Variants in TMEM209 observed in about 807,000 individuals in gnomAD.
TMEM209 encodes the protein transmembrane protein 209.
A neutral mutation model predicts 76.2 loss-of-function variants in TMEM209; 65 were observed. That is an observed-to-expected ratio of 0.85 (90% CI 0.70 to 1.05). TMEM209 has a LOEUF of 1.05. Among genes scored for constraint, TMEM209 ranks in the 50% least tolerant of loss-of-function variants. The pLI is 0.00. For synonymous variants in TMEM209, 239 were observed against 237.6 expected (o/e 1.01, Z -0.06); for missense variants, 623 against 685.5 (o/e 0.91, Z 1.02).
chr7:130,181,613 T>G lies in TMEM209; in HGVS notation c.1120+10A>C, dbSNP rs1484515242. On this transcript the variant is annotated intron_variant, in intron 9 of 14. Coordinates refer to ENST00000397622, the MANE Select transcript of TMEM209 (RefSeq NM_032842.4). ...ATAGAAATCCAACACTGGGCTCTGT[T>G]TTCACATACCTCCTATCTGTAGCTC... 1 of 1,607,684 alleles carries G rather than the reference T, an allele frequency of 6.2e-7. No homozygotes were observed. The highest frequency in any genetic ancestry group is 1.1e-5 in the South Asian group (1 of 89,540).
chr7:130,203,915 C>A, intron 2 of TMEM209, 59 bp downstream of exon 2: 8 of 1,601,084 alleles, frequency 5.0e-6, no homozygotes, highest in South Asian at 1.1e-5. Flanking sequence ...AACACAAAAA[C>A]CTGTGGAACC....
In TMEM209 at chr7:130,194,952, C is replaced by T. The variant is rs552288463; in HGVS notation, c.574-2129G>A. On this transcript the variant is annotated intron_variant, in intron 5 of 14. Coordinates refer to ENST00000397622, the MANE Select transcript of TMEM209 (RefSeq NM_032842.4). ...GGTTAATCCTCTTCCACACAGATTTCTCTTTTATTTTTAAAATTAACATAT... is the reference window on the plus strand; with the variant it reads ...GGTTAATCCTCTTCCACACAGATTTTTCTTTTATTTTTAAAATTAACATAT... Among the ~76,000 whole-genome samples the T allele has an allele frequency of 3.9e-5, 6 of 152,126 alleles. No homozygotes were observed. The South Asian group carries it at 1.2e-3, about 32-fold the overall frequency.
rs899214494 is a variant in TMEM209 at position 130,164,733 on chromosome 7, C to T, written c.*1718G>A. The stretch of plus-strand genomic sequence containing the variant: ...TCTTATGCATTGTTAAAATGTTTCT[C>T]CATGGTGCTTTTAATGAAGTATATG... On this transcript the variant is annotated 3_prime_UTR_variant, in exon 15 of 15. Transcript: ENST00000397622. The T allele has an allele frequency of 7.9e-5, 12 of 152,078 alleles. No individual in the cohort carries two copies. Among genetic ancestry groups the T allele is most frequent in the Admixed American group, 6.5e-4 (10 of 15,272 alleles). The allele number at this position is 152,078 out of a possible 1,614,324, so 9.4% of individuals were successfully genotyped here. A position where few individuals can be genotyped will look rare whatever the true frequency, so the allele number is the denominator to read the frequency against.
At chr7:130,183,863 C>T (rs1392957254) in intron 8 of TMEM209, among the ~76,000 whole-genome samples, 1 of 152,094 alleles carries the variant, frequency 6.6e-6, no homozygotes, top group African/African-American at 2.4e-5. Flanking sequence ...CCTCACAATT[C>T]TAGGTAAATA....
At chr7:130,190,950 T>C (rs1044986936) in intron 6 of TMEM209, among the ~76,000 whole-genome samples, 1 of 149,962 alleles carries the variant, frequency 6.7e-6, no homozygotes, top group Non-Finnish European at 1.5e-5. Flanking sequence ...GAGCCAAGAC[T>C]GCACCACTGC....
At chr7:130,184,573 A>T (rs1220523798) in intron 7 of TMEM209, among the ~76,000 whole-genome samples, 3 of 150,656 alleles carry the variant, frequency 2.0e-5, no homozygotes, top group Non-Finnish European at 2.9e-5. Context: ...GCTCACTGCA[A>T]CCTCTGCCTC....
At chr7:130,177,706 G>A (rs1797284362) in intron 10 of TMEM209, among the ~76,000 whole-genome samples, 1 of 152,110 alleles carries the variant, frequency 6.6e-6, no homozygotes, top group Non-Finnish European at 1.5e-5. Flanking sequence ...TGGGTGATGT[G>A]TACAAGAGGA....
intron 6 of TMEM209, among the ~76,000 whole-genome samples, chr7:130,189,824 C>T (rs991116611): frequency 1.3e-5 from 2 of 152,098 alleles, no homozygotes; most frequent in African/African-American, 4.8e-5. Flanking sequence ...TCCTAGAGGA[C>T]CTGGAGTAAT....
rs139639811 is a variant in TMEM209, at chr7:130,195,950, T to C, written c.574-3127A>G. Among the ~76,000 whole-genome samples the C allele has an allele frequency of 2.0e-5, 3 of 152,268 alleles. No individual in the cohort carries two copies. The East Asian group carries it at 5.8e-4, about 29-fold the overall frequency. ...TTCAATAACAGGTACATATGATTAC[T>C]ATATTCGCCTTATGAGTTTAGGTAA... On this transcript the variant is annotated intron_variant, in intron 5 of 14. Transcript: ENST00000397622.
intron 13 of TMEM209, among the ~76,000 whole-genome samples, chr7:130,172,856 G>A (rs1045102401): frequency 4.0e-5 from 6 of 151,762 alleles, no homozygotes; most frequent in African/African-American, 7.2e-5. Flanking sequence ...AAAAATAGCC[G>A]GGTGTGGTGG....
chr7:130,167,926 T>C (rs1796932040), intron 14 of TMEM209, among the ~76,000 whole-genome samples: 2 of 152,190 alleles, frequency 1.3e-5, no homozygotes, highest in Admixed American at 6.5e-5. Context: ...TTTCCAAGCT[T>C]TTCCCCGAGT....
intron 10 of TMEM209, 139 bp from the exon 11 acceptor site, chr7:130,175,748 T>C (rs981003568): frequency 6.1e-6 from 4 of 654,920 alleles, no homozygotes; most frequent in African/African-American, 1.8e-5. Flanking sequence ...AAATAAAAGA[T>C]ATAAAAAGAC....
In TMEM209 at chr7:130,181,681, C is replaced by T. The variant is rs374386876; in HGVS notation, c.1062G>A (p.Glu354=). ...NETILVPLVQ[E]IESVSTQMRR... Reference sequence around the variant, plus strand: ...TCATCTGTGTGCTGACAGACTCAATCTCTTGAACAAGTGGCACTAATATTG... The same window carrying T: ...TCATCTGTGTGCTGACAGACTCAATTTCTTGAACAAGTGGCACTAATATTG... The change falls in exon 9 of 15, where the codon GAG becomes GAA. Residue 354 remains glutamate (E), a synonymous_variant. Transcript: ENST00000397622. 9.3e-6 allele frequency: 15 copies of T among 1,611,742 alleles called. No individual in the cohort carries two copies. The highest frequency in any genetic ancestry group is 1.7e-5 in the Admixed American group (1 of 59,782).
chr7:130,170,388 A>G lies in TMEM209; in HGVS notation c.1631+12T>C, dbSNP rs369607187. 4 of 1,601,088 alleles carry G rather than the reference A, an allele frequency of 2.5e-6. No individual in the cohort carries two copies. The highest frequency in any genetic ancestry group is 4.5e-5 in the East Asian group (2 of 44,808). ...AAATAACTACTTACGTTTTTAAAGC[A>G]TAAGTACCTACCCAAGCATTCCTGA... On this transcript the variant is annotated intron_variant, in intron 14 of 14. Transcript: ENST00000397622.
At chr7:130,203,711 T>G (rs1584702919) in intron 3 of TMEM209, 77 bp downstream of exon 3, 2 of 1,253,752 alleles carry the variant, frequency 1.6e-6, no homozygotes, top group East Asian at 5.0e-5. Flanking sequence ...AATAAGGAAA[T>G]GTATACTAAG....
Position 130,201,982 on chromosome 7 carries a change from C to T in TMEM209, c.441G>A (p.Ser147=), listed in dbSNP as rs1194796249. Reference sequence around the variant, plus strand: ...TGGTGAACTTGGGACTGGTACTGGGCGAACGAGAAGGGCTATAACTCAACA... The same window carrying T: ...TGGTGAACTTGGGACTGGTACTGGGTGAACGAGAAGGGCTATAACTCAACA... The part of the protein sequence containing the change: ...QSVLSYSPSR[S]PSTSPKFTTS... Residue 147 remains serine, a synonymous_variant, in exon 5 of 15, where the codon TCG becomes TCA. Transcript: ENST00000397622. The T allele has an allele frequency of 4.3e-6, 7 of 1,613,468 alleles. No homozygotes were observed. The highest frequency in any genetic ancestry group is 1.7e-5 in the Admixed American group (1 of 59,952).
chr7:130,174,967 G>A (rs1230081484), intron 11 of TMEM209, among the ~76,000 whole-genome samples: 1 of 151,986 alleles, frequency 6.6e-6, no homozygotes, highest in Non-Finnish European at 1.5e-5. Flanking sequence ...TTACATACCG[G>A]AGAATTACAA....
chr7:130,200,905 T>C (rs1240740583), intron 5 of TMEM209, among the ~76,000 whole-genome samples: 1 of 151,814 alleles, frequency 6.6e-6, no homozygotes, highest in Non-Finnish European at 1.5e-5. Flanking sequence ...CTGGCTAACA[T>C]GGCGAAACCC....
intron 6 of TMEM209, among the ~76,000 whole-genome samples, chr7:130,188,889 C>T (rs766433645): frequency 2.2e-4 from 33 of 152,210 alleles, no homozygotes; most frequent in South Asian, 8.3e-4. Flanking sequence ...AATATTTAAA[C>T]GGAATCTAAC....
Sources: allele counts gnomAD v4.1 joint callset (sites outside exome capture counted in the v4.1 genomes callset), GRCh38; gene constraint gnomAD v4.1.1; transcripts MANE v1.5; gene names NCBI Gene and HGNC (gene_info 2026-07-23, HGNC 2026-07-21).